Variants in UPF2 observed in about 807,000 individuals in gnomAD.
The protein encoded by UPF2 is UPF2 regulator of nonsense mediated mRNA decay.
UPF2 carries 17 observed loss-of-function variants against 141.4 expected under a neutral mutation model. The observed-to-expected ratio is 0.12, with a 90% CI of 0.08 to 0.18. UPF2 has a LOEUF of 0.18. Among genes scored for constraint, UPF2 ranks in the 10% least tolerant of loss-of-function variants. The probability of loss-of-function intolerance (pLI) is 1.00; values close to 1 mark genes in which losing one functional copy is unlikely to be tolerated. For synonymous variants in UPF2, 540 were observed against 498.0 expected, an observed-to-expected ratio of 1.08 and a Z score of -1.12; for missense variants, 1,152 against 1,515.9, an observed-to-expected ratio of 0.76 and a Z score of 3.99.
intron 8 of UPF2, among the ~76,000 whole-genome samples, chr10:11,989,851 C>T (rs1189325749): frequency 2.6e-5 from 4 of 152,124 alleles, no homozygotes; most frequent in Non-Finnish European, 4.4e-5. Flanking sequence ...GGTCTGGATC[C>T]TTGAGTCACC....
At chr10:12,002,083 CAACATGGTGA>C (rs1833961531) in intron 5 of UPF2, among the ~76,000 whole-genome samples, 1 of 152,032 alleles carries the variant, frequency 6.6e-6, no homozygotes, top group East Asian at 1.9e-4. Context: ...CCAGCCTGAC[CAACATGGTGA>C]AACCCCATCT....
At chr10:11,971,834 C>G (rs1356705275) in intron 9 of UPF2, among the ~76,000 whole-genome samples, 1 of 152,086 alleles carries the variant, frequency 6.6e-6, no homozygotes, top group Non-Finnish European at 1.5e-5. Flanking sequence ...GAGTCCAAGG[C>G]AGGCGGATCA....
rs145544373 is a variant in UPF2, at chr10:11,939,268, A to G, written c.3379-2556T>C. Among the ~76,000 whole-genome samples, 242 of 152,304 alleles carry G rather than the reference A, an allele frequency of 1.6e-3. 1 individual carries two copies. The highest frequency in any genetic ancestry group is 5.4e-3 in the African/African-American group (224 of 41,562). The stretch of plus-strand genomic sequence containing the variant: ...ACTATGCAAAGAATAGATGTAAAGC[A>G]CTTGATGCAGGGCCCAACAGTCTTC... On this transcript the variant is annotated intron_variant, in intron 18 of 21. Coordinates refer to ENST00000357604, the MANE Select transcript of UPF2 (RefSeq NM_015542.4). This position sits in a 1 kb window ranked among gnomAD's most constrained non-coding sequence, Gnocchi z 4.8.
At chr10:11,943,754 G>C (rs1832965667) in intron 16 of UPF2, among the ~76,000 whole-genome samples, 2 of 152,164 alleles carry the variant, frequency 1.3e-5, no homozygotes. Flanking sequence ...GCACACTGCT[G>C]TTAAGCAGAA....
Position 11,979,192 on chromosome 10 carries a change from C to G in UPF2, c.1845-27G>C. On this transcript the variant is annotated intron_variant, in intron 8 of 21. Transcript: ENST00000357604. The surrounding 1 kb of genome is among the most constrained non-coding windows in gnomAD (Gnocchi z 6.2). ...TGCAAAAGTTATATGTGATATGTGT[C>G]AAAGGAAAGACATATCAAAAATAAT... 1 of 1,517,610 alleles carries G rather than the reference C, an allele frequency of 6.6e-7. No individual in the cohort carries two copies. Among genetic ancestry groups the G allele is most frequent in the East Asian group, 2.3e-5 (1 of 44,162 alleles). 94.0% of individuals were successfully genotyped at this position (1,517,610 alleles called of 1,614,324 possible).
chr10:11,951,282 C>G (rs1588533611), intron 15 of UPF2, among the ~76,000 whole-genome samples: 1 of 152,076 alleles, frequency 6.6e-6, no homozygotes. Context: ...AGGCTGGTCT[C>G]AAACTCCTGA....
At chr10:11,993,789 T>C (rs1833821551) in intron 8 of UPF2, among the ~76,000 whole-genome samples, 2 of 151,506 alleles carry the variant, frequency 1.3e-5, no homozygotes, top group African/African-American at 2.4e-5. Flanking sequence ...GCCTGGTCAA[T>C]ATAACAAGAC....
intron 10 of UPF2, among the ~76,000 whole-genome samples, chr10:11,967,114 C>T (rs72777704): frequency 0.034 from 5,171 of 152,178 alleles, 120 homozygotes; most frequent in Non-Finnish European, 0.052. Flanking sequence ...TTTTACTTGA[C>T]ATATTTCACC....
chr10:12,008,359 A>G (rs1834069579), intron 4 of UPF2, among the ~76,000 whole-genome samples: 1 of 152,132 alleles, frequency 6.6e-6, no homozygotes, highest in Non-Finnish European at 1.5e-5. Context: ...GGCCAGGCGC[A>G]GTGGCTCATA....
At chr10:12,003,498 A>C (rs1324974342) in intron 5 of UPF2, among the ~76,000 whole-genome samples, 1 of 152,212 alleles carries the variant, frequency 6.6e-6, no homozygotes, top group Admixed American at 6.5e-5. Context: ...ATTAAGGGTA[A>C]TAGAGTTGTA....
Position 11,975,401 on chromosome 10 carries a change from T to C in UPF2, c.1953+3656A>G, listed in dbSNP as rs187455293. Among the ~76,000 whole-genome samples, 23 of 152,344 alleles carry C rather than the reference T, an allele frequency of 1.5e-4. No homozygotes were observed. The East Asian group carries it at 4.2e-3, about 28-fold the overall frequency. The stretch of plus-strand genomic sequence containing the variant: ...AGACTGCTACGTTAACATACTGATA[T>C]GTAATTGTTTTCTCTTTTCTACTTT... On this transcript the variant is annotated intron_variant, in intron 9 of 21. Transcript: ENST00000357604.
intron 16 of UPF2, 110 bp downstream of exon 16, chr10:11,948,259 A>G: frequency 8.8e-7 from 1 of 1,140,926 alleles, no homozygotes; most frequent in East Asian, 2.8e-5. Flanking sequence ...AAAAAAAAAA[A>G]AAAAAAAAAA....
chr10:11,973,167 C>T (rs192624464), intron 9 of UPF2, among the ~76,000 whole-genome samples: 9,112 of 152,258 alleles, frequency 0.06, 369 homozygotes, highest in Non-Finnish European at 0.092. Context: ...TGTCTGTTGG[C>T]TGCATAAATG....
At chr10:11,942,958 A>C in intron 17 of UPF2, 106 bp downstream of exon 17, 1 of 983,986 alleles carries the variant, frequency 1.0e-6, no homozygotes, top group East Asian at 2.6e-5. Context: ...TTTCTAAAGA[A>C]ATATTTTTCA....
chr10:11,964,162 C>A (rs767968248), intron 10 of UPF2, 37 bp from the exon 11 acceptor site: 1 of 1,460,022 alleles, frequency 6.8e-7, no homozygotes, highest in Non-Finnish European at 9.5e-7. Flanking sequence ...ACAAAGGCAA[C>A]TCTTCAATCC....
At chr10:11,990,865 G>A (rs1237953214) in intron 8 of UPF2, among the ~76,000 whole-genome samples, 1 of 151,404 alleles carries the variant, frequency 6.6e-6, no homozygotes, top group Admixed American at 6.6e-5. Flanking sequence ...GCGGGCACCT[G>A]TAGTGTCAGC....
In UPF2 at chr10:12,028,829, T is replaced by A. The variant is rs1377338434; in HGVS notation, c.1061A>T (p.Asn354Ile). 1 of 1,614,192 alleles carries A rather than the reference T, an allele frequency of 6.2e-7. No individual in the cohort carries two copies. Among genetic ancestry groups the A allele is most frequent in the Admixed American group, 1.7e-5 (1 of 60,024 alleles). ...AGACGTAAAGTACTCTTTTAAAAGA[T>A]TCTGGAAGGGCTGTTGTTTCTCTGG... ...ISPEKQQPFQ[N>I]LLKEYFTSLT... is the part of the protein sequence containing the mutation. Residue 354 changes from asparagine to isoleucine, a missense_variant, in exon 3 of 22, where the codon AAT (asparagine) becomes ATT (isoleucine). Physicochemically the swap from Asn to Ile is moderately radical, Grantham distance 149 (BLOSUM62 -3). Around this residue, in one of 4 missense-constraint regions of UPF2, gnomAD observed 739 missense variants for 1,032.2 expected, o/e 0.72. Transcript: ENST00000357604.
intron 9 of UPF2, among the ~76,000 whole-genome samples, chr10:11,971,520 G>A (rs1833417723): frequency 6.6e-6 from 1 of 152,042 alleles, no homozygotes; most frequent in South Asian, 2.1e-4. Context: ...CCAAAGTGCT[G>A]GGATTACAGG....
In UPF2 at chr10:11,938,847, TTTTTTG is replaced by T. The variant is rs1564337749; in HGVS notation, c.3379-2141_3379-2136del. Reference sequence around the variant, plus strand: ...AGCCATGTGGTCTTAAGCAAGTTTTTTTTTTGTTTTTTTTTTTTTTTTTTTTTTTTT... The same window carrying T: ...AGCCATGTGGTCTTAAGCAAGTTTTTTTTTTTTTTTTTTTTTTTTTTTTTT... On this transcript the variant is annotated intron_variant, in intron 18 of 21. Coordinates refer to ENST00000357604, the MANE Select transcript of UPF2 (RefSeq NM_015542.4). Among the ~76,000 whole-genome samples the T allele has an allele frequency of 2.9e-4, 35 of 119,528 alleles. 1 individual carries two copies. Among genetic ancestry groups the T allele is most frequent in the East Asian group, 8.8e-4 (3 of 3,420 alleles). 78.4% of individuals were successfully genotyped at this position (119,528 alleles called of 152,430 possible).
Sources: gnomAD v4.1 joint callset for allele counts (sites outside exome capture counted in the v4.1 genomes callset) on GRCh38, gnomAD v4.1.1 for gene constraint, gnomAD v4.1.1 regional missense constraint, Gnocchi (gnomAD v3.1) non-coding constraint, MANE v1.5 for transcripts, NCBI Gene and HGNC (gene_info 2026-07-23, HGNC 2026-07-21) for gene names.